VPS35L: variants seen among roughly 807,000 people sequenced by gnomAD.
VPS35L encodes VPS35 endosomal protein sorting factor like, also known as VPS35 endosomal protein-sorting factor-like.
In VPS35L, 83 loss-of-function variants were observed where a neutral mutation model predicts 133.0. The ratio of observed to expected loss-of-function variants is 0.62; its 90% CI spans 0.52 to 0.75. The LOEUF is 0.75. VPS35L is among the 30% of genes least tolerant of loss of function. The pLI is 0.00. For synonymous variants in VPS35L, 423 were observed against 449.9 expected (o/e 0.94, Z 0.76); for missense variants, 1,083 against 1,206.8 (o/e 0.90, Z 1.52).
chr16:19,649,164 A>AT (rs1289944704), intron 24 of VPS35L, among the ~76,000 whole-genome samples: 1 of 151,602 alleles, frequency 6.6e-6, no homozygotes. Flanking sequence ...AATTCTTTGT[A>AT]TTTTTTAGTA....
intron 8 of VPS35L, among the ~76,000 whole-genome samples, chr16:19,596,281 A>ATTT (rs11380654): frequency 2.0e-5 from 3 of 148,194 alleles, no homozygotes; most frequent in African/African-American, 7.5e-5. Flanking sequence ...TGCATATACC[A>ATTT]TTTTTTTTTT....
At chr16:19,612,102 C>T (rs1972741946) in intron 12 of VPS35L, among the ~76,000 whole-genome samples, 1 of 151,654 alleles carries the variant, frequency 6.6e-6, no homozygotes, top group Non-Finnish European at 1.5e-5. Context: ...CCACGCCCAG[C>T]TAATTTTCGT....
chr16:19,644,982 G>A, intron 23 of VPS35L, 33 bp downstream of exon 23: 1 of 1,427,190 alleles, frequency 7.0e-7, no homozygotes, highest in Non-Finnish European at 9.8e-7. Context: ...CAGTGCACTT[G>A]GAAGTGTGAT....
intron 15 of VPS35L, among the ~76,000 whole-genome samples, chr16:19,627,237 C>T (rs1312975877): frequency 2.0e-5 from 3 of 150,646 alleles, no homozygotes; most frequent in East Asian, 3.9e-4. Flanking sequence ...GAGCCAAGAT[C>T]GTGACACTAC....
rs775374876 is a variant in VPS35L at position 19,601,694 on chromosome 16, T to C, written c.755T>C (p.Met252Thr). ...GKLVYERIFS[M>T]CVDSRSVLPD... is the part of the protein sequence containing the mutation. ...CTCGTGTACGAGCGCATCTTTTCCA[T>C]GTGTGTGGATAGCCGCAGCGTCTTA... The change falls in exon 9 of 31, where the codon ATG (methionine) becomes ACG (threonine). Residue 252 changes from methionine (M) to threonine (T), a missense_variant. Coordinates refer to ENST00000417362, the MANE Select transcript of VPS35L (RefSeq NM_020314.7). 4 of 1,614,172 alleles carry C rather than the reference T, an allele frequency of 2.5e-6. No homozygotes were observed. The highest frequency in any genetic ancestry group is 3.4e-6 in the Non-Finnish European group (4 of 1,180,008).
At chr16:19,589,012 T>A (rs983325026) in intron 7 of VPS35L, among the ~76,000 whole-genome samples, 1 of 152,238 alleles carries the variant, frequency 6.6e-6, no homozygotes, top group Non-Finnish European at 1.5e-5. Flanking sequence ...TTGCAGTTCC[T>A]CGATTACTAA....
intron 12 of VPS35L, among the ~76,000 whole-genome samples, chr16:19,613,590 C>T (rs1006161907): frequency 6.6e-6 from 1 of 152,178 alleles, no homozygotes; most frequent in Non-Finnish European, 1.5e-5. Context: ...ATCCTACCAC[C>T]TTAGGAACCT....
chr16:19,668,539 C>T (rs928690554), intron 26 of VPS35L, among the ~76,000 whole-genome samples: 1 of 151,752 alleles, frequency 6.6e-6, no homozygotes, highest in Non-Finnish European at 1.5e-5. Flanking sequence ...TAAATATCTT[C>T]ATTTCCCAAA....
chr16:19,629,345 A>G (rs2151566913), intron 17 of VPS35L, among the ~76,000 whole-genome samples: 1 of 152,262 alleles, frequency 6.6e-6, no homozygotes, highest in Non-Finnish European at 1.5e-5. Context: ...TTATAATTGT[A>G]TTATTTGTTT....
intron 26 of VPS35L, among the ~76,000 whole-genome samples, chr16:19,659,903 A>G (rs2151595082): frequency 6.6e-6 from 1 of 152,352 alleles, no homozygotes; most frequent in South Asian, 2.1e-4. Context: ...GAAGATGGGT[A>G]AAGATGTTTT....
intron 27 of VPS35L, among the ~76,000 whole-genome samples, chr16:19,680,394 G>A (rs1297078161): frequency 6.6e-6 from 1 of 152,142 alleles, no homozygotes; most frequent in Non-Finnish European, 1.5e-5. Flanking sequence ...TGTCATCAGG[G>A]ACACCATCCA....
At chr16:19,663,669 C>CTTTTTTTTTTTTTTT (rs59826351) in intron 26 of VPS35L, among the ~76,000 whole-genome samples, 4 of 63,916 alleles carry the variant, frequency 6.3e-5, no homozygotes, top group African/African-American at 1.4e-4. Flanking sequence ...GCAGTAATTT[C>CTTTTTTTTTTTTTTT]TTTTTTTTTT....
intron 14 of VPS35L, among the ~76,000 whole-genome samples, chr16:19,623,732 T>C (rs1015616688): frequency 1.4e-5 from 2 of 147,608 alleles, no homozygotes; most frequent in Non-Finnish European, 1.5e-5. Context: ...ATAGATCCCT[T>C]TTTTTTCTTT....
At chr16:19,638,011 A>G (rs59325563) in intron 20 of VPS35L, among the ~76,000 whole-genome samples, 7,730 of 152,226 alleles carry the variant, frequency 0.051, 640 homozygotes, top group African/African-American at 0.17. Context: ...TTTTAATCAC[A>G]CAGCCTAATG....
At chr16:19,696,970 G>A (rs1010342589) in intron 29 of VPS35L, among the ~76,000 whole-genome samples, 2 of 152,208 alleles carry the variant, frequency 1.3e-5, no homozygotes, top group Non-Finnish European at 2.9e-5. Flanking sequence ...GGTGTCAGAC[G>A]AGGACCAGGT....
intron 8 of VPS35L, among the ~76,000 whole-genome samples, chr16:19,592,111 G>T: frequency 6.7e-6 from 1 of 150,228 alleles, no homozygotes; most frequent in Non-Finnish European, 1.5e-5. Flanking sequence ...GTCTTGCTCT[G>T]TTATCCAGAC....
At chr16:19,570,875 A>ATTTTT (rs1567388756) in intron 3 of VPS35L, among the ~76,000 whole-genome samples, 1 of 45,816 alleles carries the variant, frequency 2.2e-5, no homozygotes, top group African/African-American at 1.3e-4. Flanking sequence ...ATATATATAT[A>ATTTTT]TATATATATA....
At chr16:19,637,712 A>C in intron 20 of VPS35L, 56 bp downstream of exon 20, 36 of 1,252,748 alleles carry the variant, frequency 2.9e-5, no homozygotes, top group Non-Finnish European at 3.6e-5. Context: ...AGAGGTTCTC[A>C]TTGTCTCAGT....
intron 3 of VPS35L, among the ~76,000 whole-genome samples, chr16:19,571,847 C>CTTT (rs35851684): frequency 6.9e-6 from 1 of 144,526 alleles, no homozygotes; most frequent in Non-Finnish European, 1.5e-5. Context: ...GCCCAGCCAA[C>CTTT]TTTTTTTTTT....
Sources: gnomAD v4.1 joint callset for allele counts (sites outside exome capture counted in the v4.1 genomes callset) on GRCh38, gnomAD v4.1.1 for gene constraint, MANE v1.5 for transcripts, NCBI Gene and HGNC (gene_info 2026-07-23, HGNC 2026-07-21) for gene names.